Variants in EPHA3 observed in about 807,000 individuals in gnomAD.
EPHA3 encodes the protein EPH receptor A3, also known as ephrin type-A receptor 3.
EPHA3 carries 42 observed loss-of-function variants against 107.1 expected under a neutral mutation model. The ratio of observed to expected loss-of-function variants is 0.39; its 90% CI spans 0.31 to 0.51. EPHA3 has a LOEUF of 0.51. Ranked by LOEUF, EPHA3 falls within the 20% of genes least tolerant of loss-of-function variation. The pLI is 0.78. For synonymous variants in EPHA3, 461 were observed against 424.8 expected, an observed-to-expected ratio of 1.09 and a Z score of -1.05; for missense variants, 1,183 against 1,211.2, an observed-to-expected ratio of 0.98 and a Z score of 0.35.
At chr3:89,325,671 T>G (rs1473526955) in intron 3 of EPHA3, among the ~76,000 whole-genome samples, 1 of 152,138 alleles carries the variant, frequency 6.6e-6, no homozygotes, top group African/African-American at 2.4e-5. Context: ...TTCTACTTTA[T>G]TTTTTCCTTT....
At chr3:89,128,207 T>A (rs7432530) in intron 2 of EPHA3, among the ~76,000 whole-genome samples, 147,374 of 152,116 alleles carry the variant, frequency 0.97, 71,418 homozygotes, top group African/African-American at 0.99. Context: ...ACACAATTTT[T>A]TGATAGCACC....
chr3:89,479,148 A>G (rs1169706723), intron 16 of EPHA3, among the ~76,000 whole-genome samples: 3 of 152,128 alleles, frequency 2.0e-5, no homozygotes, highest in Non-Finnish European at 4.4e-5. Flanking sequence ...CCCTCTATCC[A>G]AATAAAATCG....
intron 5 of EPHA3, among the ~76,000 whole-genome samples, chr3:89,361,436 C>G (rs1708089074): frequency 6.6e-6 from 1 of 150,870 alleles, no homozygotes; most frequent in African/African-American, 2.4e-5. Context: ...AACAAGCCAA[C>G]TAATGACATG....
intron 3 of EPHA3, among the ~76,000 whole-genome samples, chr3:89,323,901 T>C (rs1343670290): frequency 2.0e-5 from 3 of 152,090 alleles, no homozygotes; most frequent in Non-Finnish European, 4.4e-5. Context: ...CAGAAGCCTA[T>C]GTGACAAAGA....
chr3:89,372,401 A>G (rs191698495), intron 5 of EPHA3, among the ~76,000 whole-genome samples: 36 of 151,774 alleles, frequency 2.4e-4, no homozygotes, highest in Admixed American at 1.9e-3. Flanking sequence ...ATATTCCAAG[A>G]TATTTTTAAA....
chr3:89,459,362 CT>C (rs562348827), intron 15 of EPHA3, among the ~76,000 whole-genome samples: 7 of 152,062 alleles, frequency 4.6e-5, no homozygotes, highest in African/African-American at 1.7e-4. Flanking sequence ...GCTCTCCTCT[CT>C]TTTTTTATAA....
intron 15 of EPHA3, among the ~76,000 whole-genome samples, chr3:89,467,822 A>G (rs1710316902): frequency 6.6e-6 from 1 of 152,204 alleles, no homozygotes; most frequent in African/African-American, 2.4e-5. Flanking sequence ...TTTCTTTTTA[A>G]TGACTGCGGT....
chr3:89,270,552 C>T (rs1705644453), intron 3 of EPHA3, among the ~76,000 whole-genome samples: 1 of 152,014 alleles, frequency 6.6e-6, no homozygotes, highest in Admixed American at 6.6e-5. Flanking sequence ...ATTCAGTCCA[C>T]CATAAATAAT....
intron 3 of EPHA3, among the ~76,000 whole-genome samples, chr3:89,217,573 G>A (rs1231512047): frequency 6.6e-6 from 1 of 152,088 alleles, no homozygotes; most frequent in Non-Finnish European, 1.5e-5. Context: ...CCAAAGGCGA[G>A]TCATTGAGAT....
At chr3:89,418,877 T>C (rs992256633) in intron 10 of EPHA3, among the ~76,000 whole-genome samples, 13 of 151,486 alleles carry the variant, frequency 8.6e-5, no homozygotes, top group African/African-American at 3.1e-4. Context: ...GAGGTAATGG[T>C]AGCTATGACA....
At chr3:89,121,842 AG>A (rs1452432034) in intron 1 of EPHA3, among the ~76,000 whole-genome samples, 1 of 152,196 alleles carries the variant, frequency 6.6e-6, no homozygotes, top group African/African-American at 2.4e-5. Flanking sequence ...AGAATATACA[AG>A]CATGGTAGAT....
chr3:89,243,972 T>G (rs946785801), intron 3 of EPHA3, among the ~76,000 whole-genome samples: 2 of 152,100 alleles, frequency 1.3e-5, no homozygotes, highest in African/African-American at 4.8e-5. Context: ...ATAAAGCCCC[T>G]CACTTTGATA....
intron 1 of EPHA3, among the ~76,000 whole-genome samples, chr3:89,125,025 T>C (rs1042692222): frequency 1.1e-4 from 17 of 151,902 alleles, no homozygotes; most frequent in African/African-American, 3.6e-4. Context: ...AGTTCATTAG[T>C]TGACAACCTA....
chr3:89,298,974 C>T (rs1052803816), intron 3 of EPHA3, among the ~76,000 whole-genome samples: 2 of 151,880 alleles, frequency 1.3e-5, no homozygotes, highest in African/African-American at 4.8e-5. Flanking sequence ...TTCATAAAGT[C>T]CTTTTATGCA....
chr3:89,352,556 A>G (rs1707851136), intron 5 of EPHA3, among the ~76,000 whole-genome samples: 1 of 151,140 alleles, frequency 6.6e-6, no homozygotes, highest in South Asian at 2.1e-4. Context: ...TTAAATAAAC[A>G]AGATATACTT....
chr3:89,153,002 T>C (rs566013132), intron 2 of EPHA3, among the ~76,000 whole-genome samples: 10 of 152,192 alleles, frequency 6.6e-5, no homozygotes, highest in African/African-American at 2.4e-4. Context: ...CTATTATAGG[T>C]TGATGGATAT....
intron 2 of EPHA3, among the ~76,000 whole-genome samples, chr3:89,188,615 T>G (rs1705627928): frequency 6.6e-6 from 1 of 152,200 alleles, no homozygotes; most frequent in South Asian, 2.1e-4. Context: ...TATCCTTGAC[T>G]TCATCATGCT....
chr3:89,322,133 G>GGAGA (rs145525527), intron 3 of EPHA3, among the ~76,000 whole-genome samples: 7 of 149,762 alleles, frequency 4.7e-5, no homozygotes, highest in Admixed American at 4.0e-4. Flanking sequence ...GAGGGGGGTT[G>GGAGA]GAGAGAGAGA....
At chr3:89,470,192 TTACTGAC>T (rs1710371694) in intron 15 of EPHA3, among the ~76,000 whole-genome samples, 1 of 152,100 alleles carries the variant, frequency 6.6e-6, no homozygotes, top group Admixed American at 6.6e-5. Context: ...GTTGTAAAAG[TTACTGAC>T]TATTCTAATG....
Sources: gnomAD v4.1 joint callset for allele counts (sites outside exome capture counted in the v4.1 genomes callset) on GRCh38, gnomAD v4.1.1 for gene constraint, MANE v1.5 for transcripts, NCBI Gene and HGNC (gene_info 2026-07-23, HGNC 2026-07-21) for gene names.